The following PLCG1 variants were observed in gnomAD, a reference collection of about 807,000 sequenced individuals.
PLCG1 encodes the protein phospholipase C gamma 1, also known as 1-phosphatidylinositol 4,5-bisphosphate phosphodiesterase gamma-1.
In PLCG1, 71 loss-of-function variants were observed where a neutral mutation model predicts 177.8. The observed-to-expected ratio is 0.40, with a 90% CI of 0.33 to 0.49. The LOEUF (loss-of-function observed/expected upper bound fraction) is 0.49, where lower values mean the gene tolerates loss of function less well. Ranked by LOEUF, PLCG1 falls within the 20% of genes least tolerant of loss-of-function variation. The pLI is 0.72. For missense variants in PLCG1, 1,281 were observed against 1,709.0 expected (o/e 0.75, Z 4.42); for synonymous variants, 658 against 647.9 (o/e 1.02, Z -0.24).
chr20:41,143,020 T>A (rs2034879864), intron 1 of PLCG1, among the ~76,000 whole-genome samples: 1 of 152,164 alleles, frequency 6.6e-6, no homozygotes, highest in Non-Finnish European at 1.5e-5. Flanking sequence ...CTCTCAGCAG[T>A]CCCTCTATTG....
At chr20:41,168,643 C>A in intron 20 of PLCG1, 124 bp from the exon 21 acceptor site, 1 of 649,270 alleles carries the variant, frequency 1.5e-6, no homozygotes. Context: ...ATGGCAGTGT[C>A]ATCTCCCACT....
Position 41,166,222 on chromosome 20 carries a change from A to G in PLCG1, c.1828A>G (p.Ile610Val). The change falls in exon 17 of 32, where the codon ATC becomes GTC. Residue 610 changes from isoleucine to valine, a missense_variant. By Grantham distance (29) the Ile-to-Val change is conservative. Coordinates refer to ENST00000685551, the MANE Select transcript of PLCG1 (RefSeq NM_002660.3). The surrounding 1 kb of genome is among the most constrained non-coding windows in gnomAD (Gnocchi z 8.6). ...GAACGGGAAAGTCCAGCACTGCCGTATCCACTCCCGGCAAGATGCTGGGAC... is the reference window on the plus strand; with the variant it reads ...GAACGGGAAAGTCCAGCACTGCCGTGTCCACTCCCGGCAAGATGCTGGGAC... ...WRNGKVQHCR[I>V]HSRQDAGTPK... 2 of 1,613,916 alleles carry G rather than the reference A, an allele frequency of 1.2e-6. No individual in the cohort carries two copies. Among genetic ancestry groups the G allele is most frequent in the East Asian group, 2.2e-5 (1 of 44,888 alleles).
chr20:41,160,187 G>T lies in PLCG1; in HGVS notation c.512+34G>T, dbSNP rs1258874607. 1.3e-6 allele frequency: 2 copies of T among 1,593,768 alleles called. No homozygotes were observed. The highest frequency in any genetic ancestry group is 2.2e-5 in the South Asian group (2 of 90,654). The stretch of plus-strand genomic sequence containing the variant: ...TGAGCTGTGGCTGTAGCCCAGCAGG[G>T]TGGGGATGGGCATCCAGAACCTTAG... On this transcript the variant is annotated intron_variant, in intron 4 of 31. Transcript: ENST00000685551. The surrounding 1 kb of genome is among the most constrained non-coding windows in gnomAD (Gnocchi z 5.5).
In PLCG1 at chr20:41,166,396, T is replaced by G; in HGVS notation, c.2000+2T>G. On this transcript the variant is annotated splice_donor_variant, in intron 17 of 31. Coordinates refer to ENST00000685551, the MANE Select transcript of PLCG1 (RefSeq NM_002660.3). LOFTEE classifies it high-confidence loss of function. This position sits in a 1 kb window ranked among gnomAD's most constrained non-coding sequence, Gnocchi z 8.6. ...GACCAACGCCCACGAGAGCAAAGAG[T>G]GAGGGAAGGGCCTGGGGGCGGACAA... The G allele has an allele frequency of 6.2e-7, 1 of 1,612,744 alleles. No individual in the cohort carries two copies.
chr20:41,139,026 T>A (rs1204554285), intron 1 of PLCG1, among the ~76,000 whole-genome samples: 1 of 151,854 alleles, frequency 6.6e-6, no homozygotes, highest in Non-Finnish European at 1.5e-5. Flanking sequence ...AGGAGGGAGA[T>A]CAGGAAGTGA....
intron 23 of PLCG1, among the ~76,000 whole-genome samples, chr20:41,169,821 G>A (rs1012853189): frequency 6.6e-6 from 1 of 151,864 alleles, no homozygotes; most frequent in African/African-American, 2.4e-5. Flanking sequence ...TGTACCACAG[G>A]GATGTGACAG....
Position 41,172,153 on chromosome 20 carries a change from G to T in PLCG1, c.2809-40G>T, listed in dbSNP as rs374824241. On this transcript the variant is annotated intron_variant, in intron 24 of 31. Coordinates refer to ENST00000685551, the MANE Select transcript of PLCG1 (RefSeq NM_002660.3). This position sits in a 1 kb window ranked among gnomAD's most constrained non-coding sequence, Gnocchi z 7.0. ...CAGGGGCTTCCTTCTCCTGGGCAGG[G>T]CTGTAGCCTGGGGCTACAGGGCCTT... 6.7e-7 allele frequency: 1 copy of T among 1,491,744 alleles called. No individual in the cohort carries two copies. Among genetic ancestry groups the T allele is most frequent in the Non-Finnish European group, 9.4e-7 (1 of 1,068,170 alleles). 92.4% of individuals were successfully genotyped at this position (1,491,744 alleles called of 1,614,324 possible). A position where few individuals can be genotyped will look rare whatever the true frequency, so the allele number is the denominator to read the frequency against.
chr20:41,169,374 G>A, intron 22 of PLCG1, 83 bp from the exon 23 acceptor site: 2 of 1,130,600 alleles, frequency 1.8e-6, no homozygotes, highest in Non-Finnish European at 2.7e-6. Flanking sequence ...CCCACAAGAT[G>A]TATTTGTCCC....
Position 41,153,769 on chromosome 20 carries a change from A to C in PLCG1, c.218-5837A>C, listed in dbSNP as rs1174279705. Among the ~76,000 whole-genome samples the C allele has an allele frequency of 6.6e-6, 1 of 152,138 alleles. No homozygotes were observed. Among genetic ancestry groups the C allele is most frequent in the Non-Finnish European group, 1.5e-5 (1 of 68,008 alleles). On this transcript the variant is annotated intron_variant, in intron 1 of 31. Coordinates refer to ENST00000685551, the MANE Select transcript of PLCG1 (RefSeq NM_002660.3). The surrounding 1 kb of genome is among the most constrained non-coding windows in gnomAD (Gnocchi z 5.1). ...AAATCAGCTGGGCATGGTGGTGTGC[A>C]TCTGTAATCCCAGCTACTTGGGAGA...
chr20:41,166,633 G>T lies in PLCG1; in HGVS notation c.2120+38G>T. Reference sequence around the variant, plus strand: ...GCACTGGGTTGTGGGGCCTTGCTTGGGTCTGAGCTGCCCTGACCCTGTGTG... The same window carrying T: ...GCACTGGGTTGTGGGGCCTTGCTTGTGTCTGAGCTGCCCTGACCCTGTGTG... On this transcript the variant is annotated intron_variant, in intron 18 of 31. Transcript: ENST00000685551. This position sits in a 1 kb window ranked among gnomAD's most constrained non-coding sequence, Gnocchi z 8.6. 6.2e-7 allele frequency: 1 copy of T among 1,614,064 alleles called. No homozygotes were observed. The highest frequency in any genetic ancestry group is 8.5e-7 in the Non-Finnish European group (1 of 1,179,992).
chr20:41,137,674 C>T lies in PLCG1; in HGVS notation c.33C>T (p.Gly11=). 1 of 1,321,018 alleles carries T rather than the reference C, an allele frequency of 7.6e-7. No individual in the cohort carries two copies. Among genetic ancestry groups the T allele is most frequent in the Non-Finnish European group, 9.7e-7 (1 of 1,034,892 alleles). 81.8% of individuals were successfully genotyped at this position (1,321,018 alleles called of 1,614,324 possible). The change falls in exon 1 of 32, where the codon GGC becomes GGT. Residue 11 remains glycine (G), a synonymous_variant. Transcript: ENST00000685551. The surrounding 1 kb of genome is among the most constrained non-coding windows in gnomAD (Gnocchi z 7.3). MAGAASPCAN[G]CGPGAPSDAE... ...GCGCCGCGTCCCCTTGCGCCAACGG[C>T]TGCGGGCCCGGCGCGCCCTCGGACG...
chr20:41,163,596 G>A lies in PLCG1; in HGVS notation c.891+117G>A, dbSNP rs35645619. On this transcript the variant is annotated intron_variant, in intron 9 of 31. Coordinates refer to ENST00000685551, the MANE Select transcript of PLCG1 (RefSeq NM_002660.3). This position sits in a 1 kb window ranked among gnomAD's most constrained non-coding sequence, Gnocchi z 5.2. ...GGATGCCACCTTGTTTCTACCTACT[G>A]TGCACCTTGCCCACCCCCAGTTGGG... is the stretch of plus-strand genomic sequence containing the variant. 27,783 of 1,049,892 alleles carry A rather than the reference G, an allele frequency of 0.026. 525 individuals carry two copies. Among genetic ancestry groups the A allele is most frequent in the Non-Finnish European group, 0.035 (23,909 of 674,644 alleles). 65.0% of individuals were successfully genotyped at this position (1,049,892 alleles called of 1,614,324 possible). A position where few individuals can be genotyped will look rare whatever the true frequency, so the allele number is the denominator to read the frequency against.
rs1339960222 is a variant in PLCG1 at position 41,176,986 on chromosome 20, TG to T, written c.*2479del. ...CACTTGGGGAGCTTCTGAAAAATAC[TG>T]GTACCCGGGGCCTTAGCATAGGTAT... On this transcript the variant is annotated 3_prime_UTR_variant, in exon 32 of 32. Transcript: ENST00000685551. 6.6e-6 allele frequency: 1 copy of T among 152,262 alleles called. No individual in the cohort carries two copies. The highest frequency in any genetic ancestry group is 2.4e-5 in the African/African-American group (1 of 41,464). 9.4% of individuals were successfully genotyped at this position (152,262 alleles called of 1,614,324 possible). A position where few individuals can be genotyped will look rare whatever the true frequency, so the allele number is the denominator to read the frequency against.
At chr20:41,169,364 C>A (rs555924940) in intron 22 of PLCG1, 93 bp from the exon 23 acceptor site, 345 of 1,079,500 alleles carry the variant, frequency 3.2e-4, no homozygotes, top group Non-Finnish European at 4.5e-4. Flanking sequence ...CACAGGTACA[C>A]CCACAAGATG....
rs934081297 is a variant in PLCG1, at chr20:41,177,368, C to G, written c.*2859C>G. ...AGATGGCAGGAGCAGTTTCTGACCT[C>G]AGTTGAGTATCTGTGGCCATGAGCA... On this transcript the variant is annotated 3_prime_UTR_variant, in exon 32 of 32. Coordinates refer to ENST00000685551, the MANE Select transcript of PLCG1 (RefSeq NM_002660.3). 6.6e-6 allele frequency: 1 copy of G among 152,264 alleles called. No homozygotes were observed. The highest frequency in any genetic ancestry group is 6.5e-5 in the Admixed American group (1 of 15,290). 9.4% of individuals were successfully genotyped at this position (152,264 alleles called of 1,614,324 possible).
rs573251063 is a variant in PLCG1 at position 41,170,359 on chromosome 20, C to T, written c.2808+90C>T. The T allele has an allele frequency of 3.2e-5, 45 of 1,414,356 alleles. No homozygotes were observed. The South Asian group carries it at 5.2e-4, about 16-fold the overall frequency. The allele number at this position is 1,414,356 out of a possible 1,614,324, so 87.6% of individuals were successfully genotyped here. A position where few individuals can be genotyped will look rare whatever the true frequency, so the allele number is the denominator to read the frequency against. ...GCTCCCAGCACAGGCCCCCTCAGAGCAGTGGGGCAGCCGATGGCCTATGCT... is the reference window on the plus strand; with the variant it reads ...GCTCCCAGCACAGGCCCCCTCAGAGTAGTGGGGCAGCCGATGGCCTATGCT... On this transcript the variant is annotated intron_variant, in intron 24 of 31. Coordinates refer to ENST00000685551, the MANE Select transcript of PLCG1 (RefSeq NM_002660.3).
intron 4 of PLCG1, among the ~76,000 whole-genome samples, chr20:41,161,440 TAAC>T (rs1320886396): frequency 6.6e-6 from 1 of 152,060 alleles, no homozygotes; most frequent in African/African-American, 2.4e-5. Context: ...GTGGAAGAAG[TAAC>T]AAGCTGTTCG....
At position 41,173,531 on chromosome 20, in the gene PLCG1, G is replaced by A. The variant is rs758154408; in HGVS notation, c.3391G>A (p.Val1131Met). The stretch of plus-strand genomic sequence containing the variant: ...CAGCACCAAGCAGAAGACAGAGTTT[G>A]TGGGTCAGTCTGTCTTCCCAGTCAT... ...YDSTKQKTEF[V>M]VDNGLNPVWP... The change falls in exon 28 of 32, where the codon GTG becomes ATG. Residue 1131 changes from valine (V) to methionine (M), a missense_variant. Val to Met is a conservative substitution (Grantham distance 21, BLOSUM62 1). Transcript: ENST00000685551. The surrounding 1 kb of genome is among the most constrained non-coding windows in gnomAD (Gnocchi z 6.2). The A allele has an allele frequency of 6.2e-7, 1 of 1,613,872 alleles. No individual in the cohort carries two copies. The highest frequency in any genetic ancestry group is 1.1e-5 in the South Asian group (1 of 91,030).
chr20:41,162,360 G>A, intron 4 of PLCG1, 92 bp from the exon 5 acceptor site: 1 of 764,214 alleles, frequency 1.3e-6, no homozygotes, highest in Non-Finnish European at 2.2e-6. Flanking sequence ...GAATAGTGTT[G>A]TTTACCTGTC....
Sources: allele counts gnomAD v4.1 joint callset (sites outside exome capture counted in the v4.1 genomes callset), GRCh38; gene constraint gnomAD v4.1.1; non-coding constraint Gnocchi (gnomAD v3.1); transcripts MANE v1.5; gene names NCBI Gene and HGNC (gene_info 2026-07-23, HGNC 2026-07-21).